The following LRATD2 variants were observed in gnomAD, a reference collection of about 807,000 sequenced individuals.
LRATD2 encodes the protein protein LRATD2.
Under a neutral mutation model 12.0 loss-of-function variants are expected in LRATD2, and 10 were observed. That is an observed-to-expected ratio of 0.83 (90% CI 0.51 to 1.41). The LOEUF is 1.41. LRATD2 is among the 40% of genes most tolerant of loss of function. The pLI is 0.00. For synonymous variants in LRATD2, 220 were observed against 205.8 expected (o/e 1.07, Z -0.59); for missense variants, 455 against 446.1 (o/e 1.02, Z -0.18).
In LRATD2 at chr8:126,556,247, A is replaced by C; in HGVS notation, c.*210T>G. 1.8e-6 allele frequency: 1 copy of C among 560,442 alleles called. No homozygotes were observed. The highest frequency in any genetic ancestry group is 2.0e-5 in the African/African-American group (1 of 49,958). 34.7% of individuals were successfully genotyped at this position (560,442 alleles called of 1,614,324 possible). On this transcript the variant is annotated 3_prime_UTR_variant, in exon 2 of 2. Coordinates refer to ENST00000304916, the MANE Select transcript of LRATD2 (RefSeq NM_174911.5). The surrounding 1 kb of genome is among the most constrained non-coding windows in gnomAD (Gnocchi z 5.6). ...CCAGAGGGAGACGCCCCCCACCCCC[A>C]ACTAAAGTGTTTCCTACCTGCTCCC...
chr8:126,553,904 C>G lies in LRATD2; in HGVS notation c.*2553G>C. On this transcript the variant is annotated 3_prime_UTR_variant, in exon 2 of 2. Transcript: ENST00000304916. ...CAGTCGCTGCTATACTTCAGCGTGA[C>G]TGACCATACATCATTTTCCATTCTG... 1 of 152,280 alleles carries G rather than the reference C, an allele frequency of 6.6e-6. No homozygotes were observed. Among genetic ancestry groups the G allele is most frequent in the South Asian group, 2.1e-4 (1 of 4,836 alleles). 9.4% of individuals were successfully genotyped at this position (152,280 alleles called of 1,614,324 possible).
In LRATD2 at chr8:126,557,029, G is replaced by C. The variant is rs973294124; in HGVS notation, c.361C>G (p.Leu121Val). ...NLLNKCKPGD[L>V]VEFVSQAQYP... is the part of the protein sequence containing the mutation. ...TGAGCCTGCGACACGAACTCCACCAGATCGCCCGGCTTGCACTTGTTGAGC... is the reference window on the plus strand; with the variant it reads ...TGAGCCTGCGACACGAACTCCACCACATCGCCCGGCTTGCACTTGTTGAGC... Residue 121 changes from leucine (L) to valine (V), a missense_variant, in exon 2 of 2, where the codon CTG becomes GTG. Leu to Val is a conservative substitution (Grantham distance 32). Coordinates refer to ENST00000304916, the MANE Select transcript of LRATD2 (RefSeq NM_174911.5). This position sits in a 1 kb window ranked among gnomAD's most constrained non-coding sequence, Gnocchi z 5.3. 1 of 1,606,792 alleles carries C rather than the reference G, an allele frequency of 6.2e-7. No homozygotes were observed. Among genetic ancestry groups the C allele is most frequent in the South Asian group, 1.1e-5 (1 of 91,090 alleles).
rs936460176 is a variant in LRATD2, at chr8:126,552,650, A to G, written c.*3807T>C. 1 of 152,660 alleles carries G rather than the reference A, an allele frequency of 6.6e-6. No individual in the cohort carries two copies. The highest frequency in any genetic ancestry group is 1.5e-5 in the Non-Finnish European group (1 of 68,040). The allele number at this position is 152,660 out of a possible 1,614,324, so 9.5% of individuals were successfully genotyped here. On this transcript the variant is annotated 3_prime_UTR_variant, in exon 2 of 2. Coordinates refer to ENST00000304916, the MANE Select transcript of LRATD2 (RefSeq NM_174911.5). ...TTCTCAAGAAGTGATATAAGAATGT[A>G]ACATTGATTTAACATACAACCTTCA...
chr8:126,553,263 T>A lies in LRATD2; in HGVS notation c.*3194A>T, dbSNP rs1563637371. The A allele has an allele frequency of 6.6e-6, 1 of 152,602 alleles. No individual in the cohort carries two copies. Among genetic ancestry groups the A allele is most frequent in the Non-Finnish European group, 1.5e-5 (1 of 68,038 alleles). The allele number at this position is 152,602 out of a possible 1,614,324, so 9.5% of individuals were successfully genotyped here. On this transcript the variant is annotated 3_prime_UTR_variant, in exon 2 of 2. Coordinates refer to ENST00000304916, the MANE Select transcript of LRATD2 (RefSeq NM_174911.5). ...AAATAAAAGCTACAAAAAGTATGAGTTCTTTCAATACAAAAAGTTGTGTAG... is the reference window on the plus strand; with the variant it reads ...AAATAAAAGCTACAAAAAGTATGAGATCTTTCAATACAAAAAGTTGTGTAG...
Position 126,557,050 on chromosome 8 carries a change from T to G in LRATD2, c.340A>C (p.Asn114His), listed in dbSNP as rs1395312196. 2 of 1,607,946 alleles carry G rather than the reference T, an allele frequency of 1.2e-6. No individual in the cohort carries two copies. Among genetic ancestry groups the G allele is most frequent in the Non-Finnish European group, 1.7e-6 (2 of 1,179,972 alleles). ...LSTYTPENLL[N>H]KCKPGDLVEF... ...ACCAGATCGCCCGGCTTGCACTTGT[T>G]GAGCAGGTTCTCGGGCGTGTAGGTA... Residue 114 changes from asparagine to histidine, a missense_variant, in exon 2 of 2, where the codon AAC becomes CAC. Asn to His is a moderately conservative substitution (Grantham distance 68). Coordinates refer to ENST00000304916, the MANE Select transcript of LRATD2 (RefSeq NM_174911.5). This position sits in a 1 kb window ranked among gnomAD's most constrained non-coding sequence, Gnocchi z 5.3.
At position 126,557,181 on chromosome 8, in the gene LRATD2, T is replaced by G; in HGVS notation, c.209A>C (p.Gln70Pro). 2 of 1,606,908 alleles carry G rather than the reference T, an allele frequency of 1.2e-6. No homozygotes were observed. The highest frequency in any genetic ancestry group is 4.5e-5 in the East Asian group (2 of 44,516). ...CAGCCGCGGATCGTAGGGCTGCGGCTGGGGCGGCGGCGGCCCGTCCCCACC... is the reference window on the plus strand; with the variant it reads ...CAGCCGCGGATCGTAGGGCTGCGGCGGGGGCGGCGGCGGCCCGTCCCCACC... ...PDGGDGPPPPQPQPYDPRLHE... is the reference protein window; with the variant it reads ...PDGGDGPPPPPPQPYDPRLHE... Residue 70 changes from glutamine to proline, a missense_variant, in exon 2 of 2, where the codon CAG (glutamine) becomes CCG (proline). By Grantham distance (76) the Gln-to-Pro change is moderately conservative (BLOSUM62 -1). Coordinates refer to ENST00000304916, the MANE Select transcript of LRATD2 (RefSeq NM_174911.5). This position sits in a 1 kb window ranked among gnomAD's most constrained non-coding sequence, Gnocchi z 5.3.
rs368297695 is a variant in LRATD2, at chr8:126,552,566, TTAAC to T, written c.*3887_*3890del. On this transcript the variant is annotated 3_prime_UTR_variant, in exon 2 of 2. Transcript: ENST00000304916. ...TTAAAAGATATCATCAATCTTTTAT[TTAAC>T]TAAGCACTGCCCTTCATTTTGAAGG... The T allele has an allele frequency of 1.3e-5, 2 of 152,692 alleles. No homozygotes were observed. The highest frequency in any genetic ancestry group is 6.5e-5 in the Admixed American group (1 of 15,288). 9.5% of individuals were successfully genotyped at this position (152,692 alleles called of 1,614,324 possible).
In LRATD2 at chr8:126,556,462, G is replaced by A. The variant is rs751633609; in HGVS notation, c.928C>T (p.His310Tyr). The stretch of plus-strand genomic sequence containing the variant: ...CTCTGCGCTCAGCTCGCCCATCAGT[G>A]TGCCACTGCCTCTCCGTCCTCCTCC... ...SEEEDGEAVA[H>Y] Residue 310 changes from histidine to tyrosine, a missense_variant, in exon 2 of 2, where the codon CAC (histidine) becomes TAC (tyrosine). Physicochemically the swap from His to Tyr is moderately conservative, Grantham distance 83. Transcript: ENST00000304916. This position sits in a 1 kb window ranked among gnomAD's most constrained non-coding sequence, Gnocchi z 5.6. 7 of 1,571,752 alleles carry A rather than the reference G, an allele frequency of 4.5e-6. No individual in the cohort carries two copies. The South Asian group carries it at 7.1e-5, about 16-fold the overall frequency.
In LRATD2 at chr8:126,557,536, G is replaced by A. The variant is rs1817445870; in HGVS notation, c.-96-51C>T. Reference sequence around the variant, plus strand: ...CCATGCAGGAGCCCCTCCGTGAAAAGGGCGTTTTGTTCCGAAAAAGAATCG... The same window carrying A: ...CCATGCAGGAGCCCCTCCGTGAAAAAGGCGTTTTGTTCCGAAAAAGAATCG... On this transcript the variant is annotated intron_variant, in intron 1 of 1. Coordinates refer to ENST00000304916, the MANE Select transcript of LRATD2 (RefSeq NM_174911.5). This position sits in a 1 kb window ranked among gnomAD's most constrained non-coding sequence, Gnocchi z 5.3. The A allele has an allele frequency of 2.3e-6, 2 of 877,166 alleles. No individual in the cohort carries two copies. Among genetic ancestry groups the A allele is most frequent in the Non-Finnish European group, 3.5e-6 (2 of 577,480 alleles). The allele number at this position is 877,166 out of a possible 1,614,324, so 54.3% of individuals were successfully genotyped here.
Position 126,556,365 on chromosome 8 carries a change from A to G in LRATD2, c.*92T>C, listed in dbSNP as rs559235209. 5 of 1,384,074 alleles carry G rather than the reference A, an allele frequency of 3.6e-6. No individual in the cohort carries two copies. The highest frequency in any genetic ancestry group is 4.8e-6 in the Non-Finnish European group (5 of 1,042,182). The allele number at this position is 1,384,074 out of a possible 1,614,324, so 85.7% of individuals were successfully genotyped here. Reference sequence around the variant, plus strand: ...CAGGAATCCCAGATGGGGCCCAGACAGTGGCAAAAGAGGGAGGAAGAGAGG... The same window carrying G: ...CAGGAATCCCAGATGGGGCCCAGACGGTGGCAAAAGAGGGAGGAAGAGAGG... On this transcript the variant is annotated 3_prime_UTR_variant, in exon 2 of 2. Coordinates refer to ENST00000304916, the MANE Select transcript of LRATD2 (RefSeq NM_174911.5). This position sits in a 1 kb window ranked among gnomAD's most constrained non-coding sequence, Gnocchi z 5.6.
Position 126,555,465 on chromosome 8 carries a change from T to C in LRATD2, c.*992A>G, listed in dbSNP as rs967208897. ...CCAATTCCTGCCACAGCAGCCCTTT[T>C]TGGCTGCTTCCACAATAGATACTTT... On this transcript the variant is annotated 3_prime_UTR_variant, in exon 2 of 2. Transcript: ENST00000304916. 6 of 152,644 alleles carry C rather than the reference T, an allele frequency of 3.9e-5. No homozygotes were observed. Among genetic ancestry groups the C allele is most frequent in the African/African-American group, 1.4e-4 (6 of 41,574 alleles). The allele number at this position is 152,644 out of a possible 1,614,324, so 9.5% of individuals were successfully genotyped here.
At position 126,553,219 on chromosome 8, in the gene LRATD2, T is replaced by A. The variant is rs1183839401; in HGVS notation, c.*3238A>T. The A allele has an allele frequency of 6.6e-6, 1 of 152,456 alleles. No individual in the cohort carries two copies. 9.4% of individuals were successfully genotyped at this position (152,456 alleles called of 1,614,324 possible). On this transcript the variant is annotated 3_prime_UTR_variant, in exon 2 of 2. Coordinates refer to ENST00000304916, the MANE Select transcript of LRATD2 (RefSeq NM_174911.5). ...CTTCTAGGCATTTTAGTGCTAAAAG[T>A]CACTTTAAATTAAATGTGAAATAAA...
At position 126,556,454 on chromosome 8, in the gene LRATD2, C is replaced by G; in HGVS notation, c.*3G>C. ...CTTCGCAGCTCTGCGCTCAGCTCGC[C>G]CATCAGTGTGCCACTGCCTCTCCGT... On this transcript the variant is annotated 3_prime_UTR_variant, in exon 2 of 2. Transcript: ENST00000304916. This position sits in a 1 kb window ranked among gnomAD's most constrained non-coding sequence, Gnocchi z 5.6. 6.4e-7 allele frequency: 1 copy of G among 1,561,908 alleles called. No homozygotes were observed. Among genetic ancestry groups the G allele is most frequent in the Non-Finnish European group, 8.6e-7 (1 of 1,159,554 alleles).
rs796501195 is a variant in LRATD2 at position 126,554,566 on chromosome 8, G to C, written c.*1891C>G. ...ACAATCAAAGTGGCAAGATCTGTTT[G>C]GTGATCACTGTAAAAACAGGAAACA... On this transcript the variant is annotated 3_prime_UTR_variant, in exon 2 of 2. Coordinates refer to ENST00000304916, the MANE Select transcript of LRATD2 (RefSeq NM_174911.5). The C allele has an allele frequency of 6.6e-5, 10 of 152,326 alleles. No individual in the cohort carries two copies. Among genetic ancestry groups the C allele is most frequent in the African/African-American group, 2.4e-4 (10 of 41,564 alleles). The allele number at this position is 152,326 out of a possible 1,614,324, so 9.4% of individuals were successfully genotyped here. A position where few individuals can be genotyped will look rare whatever the true frequency, so the allele number is the denominator to read the frequency against.
rs75739669 is a variant in LRATD2 at position 126,555,625 on chromosome 8, A to G, written c.*832T>C. The G allele has an allele frequency of 4.2e-3, 641 of 152,852 alleles. 2 individuals carry two copies. Among genetic ancestry groups the G allele is most frequent in the Admixed American group, 5.8e-3 (89 of 15,302 alleles). 9.5% of individuals were successfully genotyped at this position (152,852 alleles called of 1,614,324 possible). On this transcript the variant is annotated 3_prime_UTR_variant, in exon 2 of 2. Transcript: ENST00000304916. ...CGCAGCTGTAAGTGCCTACAACAGC[A>G]GGGGAGAAACAAAGGCAGCAGAACA...
Position 126,556,770 on chromosome 8 carries a change from C to T in LRATD2, c.620G>A (p.Trp207Ter). The T allele has an allele frequency of 1.3e-6, 2 of 1,597,698 alleles. No homozygotes were observed. The highest frequency in any genetic ancestry group is 1.7e-6 in the Non-Finnish European group (2 of 1,173,228). The change falls in exon 2 of 2, where the codon TGG (tryptophan) becomes TAG (stop). Residue 207 changes from tryptophan to a stop codon, truncating the protein, a stop_gained. Coordinates refer to ENST00000304916, the MANE Select transcript of LRATD2 (RefSeq NM_174911.5). LOFTEE classifies it high-confidence loss of function. This position sits in a 1 kb window ranked among gnomAD's most constrained non-coding sequence, Gnocchi z 5.6. The stretch of plus-strand genomic sequence containing the variant: ...GAACTCGCGCTTGCCGTAGCGGCAC[C>T]AGGCGGCGAAACTCTCCGAGTTGCG... ...SWRNSESFAA[W>*]CRYGKREFKI...
Position 126,557,047 on chromosome 8 carries a change from T to C in LRATD2, c.343A>G (p.Lys115Glu). 6.2e-7 allele frequency: 1 copy of C among 1,607,690 alleles called. No individual in the cohort carries two copies. Among genetic ancestry groups the C allele is most frequent in the Non-Finnish European group, 8.5e-7 (1 of 1,179,946 alleles). Reference sequence around the variant, plus strand: ...TCCACCAGATCGCCCGGCTTGCACTTGTTGAGCAGGTTCTCGGGCGTGTAG... The same window carrying C: ...TCCACCAGATCGCCCGGCTTGCACTCGTTGAGCAGGTTCTCGGGCGTGTAG... Reference protein sequence around the residue: ...STYTPENLLNKCKPGDLVEFV... With the variant: ...STYTPENLLNECKPGDLVEFV... Residue 115 changes from lysine to glutamate, a missense_variant, in exon 2 of 2, where the codon AAG becomes GAG. Coordinates refer to ENST00000304916, the MANE Select transcript of LRATD2 (RefSeq NM_174911.5). The surrounding 1 kb of genome is among the most constrained non-coding windows in gnomAD (Gnocchi z 5.3).
Position 126,557,076 on chromosome 8 carries a change from C to T in LRATD2, c.314G>A (p.Ser105Asn), listed in dbSNP as rs1369792042. The T allele has an allele frequency of 1.2e-6, 2 of 1,609,968 alleles. No homozygotes were observed. The highest frequency in any genetic ancestry group is 8.5e-7 in the Non-Finnish European group (1 of 1,179,990). ...KSFAPGSAAL[S>N]TYTPENLLNK... The stretch of plus-strand genomic sequence containing the variant: ...GAGCAGGTTCTCGGGCGTGTAGGTA[C>T]TCAGCGCCGCCGAGCCCGGCGCGAA... The change falls in exon 2 of 2, where the codon AGT (serine) becomes AAT (asparagine). Residue 105 changes from serine (S) to asparagine (N), a missense_variant. By Grantham distance (46) the Ser-to-Asn change is conservative. Coordinates refer to ENST00000304916, the MANE Select transcript of LRATD2 (RefSeq NM_174911.5). The surrounding 1 kb of genome is among the most constrained non-coding windows in gnomAD (Gnocchi z 5.3).
chr8:126,556,477 C>G lies in LRATD2; in HGVS notation c.913G>C (p.Gly305Arg). The change falls in exon 2 of 2, where the codon GGA becomes CGA. Residue 305 changes from glycine (G) to arginine (R), a missense_variant. Physicochemically the swap from Gly to Arg is moderately radical, Grantham distance 125. Coordinates refer to ENST00000304916, the MANE Select transcript of LRATD2 (RefSeq NM_174911.5). This position sits in a 1 kb window ranked among gnomAD's most constrained non-coding sequence, Gnocchi z 5.6. Reference sequence around the variant, plus strand: ...GCCCATCAGTGTGCCACTGCCTCTCCGTCCTCCTCCTCGGAGCTGGGCGCA... The same window carrying G: ...GCCCATCAGTGTGCCACTGCCTCTCGGTCCTCCTCCTCGGAGCTGGGCGCA... ...PPAPSSEEED[G>R]EAVAH The G allele has an allele frequency of 6.3e-7, 1 of 1,582,266 alleles. No homozygotes were observed. Among genetic ancestry groups the G allele is most frequent in the Non-Finnish European group, 8.6e-7 (1 of 1,167,360 alleles).
Sources: gnomAD v4.1 joint callset for allele counts on GRCh38, gnomAD v4.1.1 for gene constraint, Gnocchi (gnomAD v3.1) non-coding constraint, MANE v1.5 for transcripts, NCBI Gene and HGNC (gene_info 2026-07-23, HGNC 2026-07-21) for gene names.